Variants in FAM171A1 observed in about 807,000 individuals in gnomAD.
The protein encoded by FAM171A1 is protein FAM171A1.
In FAM171A1, 23 loss-of-function variants were observed where a neutral mutation model predicts 74.9. That is an observed-to-expected ratio of 0.31 (90% CI 0.22 to 0.44). The LOEUF is 0.44. FAM171A1 is among the 20% of genes least tolerant of loss of function. The probability of loss-of-function intolerance (pLI) is 1.00; values close to 1 mark genes in which losing one functional copy is unlikely to be tolerated. For missense variants in FAM171A1, 1,162 were observed against 1,159.2 expected (o/e 1.00, Z -0.03); for synonymous variants, 527 against 505.7 (o/e 1.04, Z -0.57).
intron 1 of FAM171A1, among the ~76,000 whole-genome samples, chr10:15,348,975 TC>T (rs1450836005): frequency 6.6e-6 from 1 of 152,246 alleles, no homozygotes; most frequent in Non-Finnish European, 1.5e-5. Flanking sequence ...TAGTCTGACT[TC>T]ATGCTACCAT....
intron 1 of FAM171A1, among the ~76,000 whole-genome samples, chr10:15,325,328 C>T (rs559283652): frequency 2.2e-4 from 33 of 152,228 alleles, no homozygotes; most frequent in African/African-American, 7.0e-4. Context: ...GGCAACAAGG[C>T]AAAACCTCGT....
intron 1 of FAM171A1, among the ~76,000 whole-genome samples, chr10:15,327,938 T>TAAA (rs11438566): frequency 7.0e-5 from 10 of 143,220 alleles, no homozygotes; most frequent in Admixed American, 7.0e-5. Flanking sequence ...AAAATAAAAG[T>TAAA]AAAAAAAAAA....
At chr10:15,238,019 A>AT (rs1834316329) in intron 5 of FAM171A1, among the ~76,000 whole-genome samples, 1 of 152,186 alleles carries the variant, frequency 6.6e-6, no homozygotes, top group Non-Finnish European at 1.5e-5. Context: ...TACGGCATCT[A>AT]TTCTTTTTCA....
At chr10:15,370,800 C>G (rs1433631125) in intron 1 of FAM171A1, among the ~76,000 whole-genome samples, 156 bp downstream of exon 1, 1 of 146,778 alleles carries the variant, frequency 6.8e-6, no homozygotes, top group Admixed American at 6.7e-5. Flanking sequence ...CTCGGGAGCG[C>G]GTTGCGGGTG....
At chr10:15,347,308 A>C (rs1835827356) in intron 1 of FAM171A1, among the ~76,000 whole-genome samples, 1 of 152,192 alleles carries the variant, frequency 6.6e-6, no homozygotes, top group African/African-American at 2.4e-5. Context: ...CATGAAGTAC[A>C]AACTGGACCT....
intron 1 of FAM171A1, among the ~76,000 whole-genome samples, chr10:15,362,135 T>G (rs571777294): frequency 6.6e-6 from 1 of 152,340 alleles, no homozygotes; most frequent in Non-Finnish European, 1.5e-5. Context: ...GAAATCCACA[T>G]TTGATCATCT....
intron 1 of FAM171A1, among the ~76,000 whole-genome samples, chr10:15,343,915 C>T (rs1835792750): frequency 6.6e-6 from 1 of 152,182 alleles, no homozygotes; most frequent in Non-Finnish European, 1.5e-5. Context: ...GCACTGTTTC[C>T]CCTGCTCTGC....
intron 6 of FAM171A1, among the ~76,000 whole-genome samples, chr10:15,216,869 G>A (rs546223593): frequency 6.8e-6 from 1 of 147,562 alleles, no homozygotes; most frequent in South Asian, 2.1e-4. Flanking sequence ...TTTTATTTTC[G>A]CTTTTCCCGG....
intron 1 of FAM171A1, among the ~76,000 whole-genome samples, chr10:15,301,077 C>G (rs1220826177): frequency 6.6e-6 from 1 of 152,148 alleles, no homozygotes; most frequent in African/African-American, 2.4e-5. Flanking sequence ...ACAGCAGAAG[C>G]CATTGGCAAG....
At chr10:15,237,241 G>A (rs1201871555) in intron 5 of FAM171A1, among the ~76,000 whole-genome samples, 1 of 152,088 alleles carries the variant, frequency 6.6e-6, no homozygotes, top group Non-Finnish European at 1.5e-5. Flanking sequence ...TACCAAGACG[G>A]GAAATTCTAG....
In FAM171A1 at chr10:15,370,571, G is replaced by T. The variant is rs552128658; in HGVS notation, c.97+385C>A. 3.7e-3 allele frequency among the ~76,000 whole-genome samples: 559 copies of T among 152,080 alleles called. 1 individual carries two copies. The highest frequency in any genetic ancestry group is 0.013 in the African/African-American group (535 of 41,540). On this transcript the variant is annotated intron_variant, in intron 1 of 7. Coordinates refer to ENST00000378116, the MANE Select transcript of FAM171A1 (RefSeq NM_001010924.2). Reference sequence around the variant, plus strand: ...GGGGAGCCGGGAGCGCGATCGGGCGGCGCGCCCTGGGCGGCCCCTCTGTCC... The same window carrying T: ...GGGGAGCCGGGAGCGCGATCGGGCGTCGCGCCCTGGGCGGCCCCTCTGTCC...
At chr10:15,327,335 CTAT>C (rs775827052) in intron 1 of FAM171A1, among the ~76,000 whole-genome samples, 1 of 152,252 alleles carries the variant, frequency 6.6e-6, no homozygotes, top group East Asian at 1.9e-4. Context: ...ATGCTACTGA[CTAT>C]TATTATTTCT....
At chr10:15,370,891 C>A (rs1564294651) in intron 1 of FAM171A1, 65 bp downstream of exon 1, 8 of 836,374 alleles carry the variant, frequency 9.6e-6, no homozygotes, top group South Asian at 5.1e-5. Context: ...CCGCCGCCGC[C>A]GCCGCCGCCT....
intron 1 of FAM171A1, among the ~76,000 whole-genome samples, chr10:15,320,611 C>T (rs1835475951): frequency 6.6e-6 from 1 of 152,190 alleles, no homozygotes. Context: ...TCCTTTTTCT[C>T]CACAACCTCA....
chr10:15,231,210 T>C (rs1459652919), intron 5 of FAM171A1, among the ~76,000 whole-genome samples: 1 of 152,096 alleles, frequency 6.6e-6, no homozygotes. Context: ...ATTCTTATTT[T>C]ATTTTTTTTT....
chr10:15,245,224 C>T (rs537750935), intron 5 of FAM171A1, among the ~76,000 whole-genome samples: 4 of 152,272 alleles, frequency 2.6e-5, no homozygotes, highest in African/African-American at 9.6e-5. Flanking sequence ...CACCACCACG[C>T]CCAGCTAATT....
intron 1 of FAM171A1, among the ~76,000 whole-genome samples, chr10:15,295,501 T>G (rs1398920783): frequency 6.6e-6 from 1 of 152,234 alleles, no homozygotes; most frequent in African/African-American, 2.4e-5. Context: ...AAAGTAAAGT[T>G]TGTGGGCTCC....
At chr10:15,329,573 A>G (rs1835601882) in intron 1 of FAM171A1, among the ~76,000 whole-genome samples, 1 of 151,860 alleles carries the variant, frequency 6.6e-6, no homozygotes, top group African/African-American at 2.4e-5. Context: ...CTGCAGTGAA[A>G]CGTGATCATG....
At chr10:15,287,093 T>G (rs967329862) in intron 1 of FAM171A1, among the ~76,000 whole-genome samples, 55 of 143,310 alleles carry the variant, frequency 3.8e-4, no homozygotes, top group African/African-American at 1.4e-3. Context: ...TTCTTCTTCT[T>G]TTTTTTTTTT....
Sources: allele counts gnomAD v4.1 joint callset (sites outside exome capture counted in the v4.1 genomes callset), GRCh38; gene constraint gnomAD v4.1.1; transcripts MANE v1.5; gene names NCBI Gene and HGNC (gene_info 2026-07-23, HGNC 2026-07-21).